The following SLC1A3 variants were observed in gnomAD, a reference collection of about 807,000 sequenced individuals.
The protein encoded by SLC1A3 is solute carrier family 1 member 3, also known as excitatory amino acid transporter 1.
SLC1A3 carries 21 observed loss-of-function variants against 48.1 expected under a neutral mutation model. The ratio of observed to expected loss-of-function variants is 0.44; its 90% CI spans 0.31 to 0.63. The LOEUF is 0.63. SLC1A3 is among the 20% of genes least tolerant of loss of function. The probability of loss-of-function intolerance (pLI) is 0.08; values close to 1 mark genes in which losing one functional copy is unlikely to be tolerated. For missense variants in SLC1A3, 546 were observed against 689.0 expected, an observed-to-expected ratio of 0.79 and a Z score of 2.32; for synonymous variants, 239 against 251.4, an observed-to-expected ratio of 0.95 and a Z score of 0.47.
At chr5:36,612,185 T>TCA (rs1013135663) in intron 2 of SLC1A3, among the ~76,000 whole-genome samples, 12 of 151,518 alleles carry the variant, frequency 7.9e-5, no homozygotes, top group Non-Finnish European at 8.8e-5. Flanking sequence ...TATTGATCTC[T>TCA]CACACACACA....
intron 3 of SLC1A3, among the ~76,000 whole-genome samples, chr5:36,646,594 T>C (rs1436132455): frequency 6.6e-6 from 1 of 152,198 alleles, no homozygotes; most frequent in Non-Finnish European, 1.5e-5. Flanking sequence ...AGGCAGACAG[T>C]GCGTCTCCAT....
At chr5:36,629,688 G>T in intron 3 of SLC1A3, 101 bp downstream of exon 3, 2 of 1,011,988 alleles carry the variant, frequency 2.0e-6, no homozygotes, top group Admixed American at 1.7e-5. Flanking sequence ...CTGGATGCAT[G>T]CTCTGTTCTA....
At chr5:36,654,043 C>T (rs903212246) in intron 3 of SLC1A3, among the ~76,000 whole-genome samples, 1 of 152,156 alleles carries the variant, frequency 6.6e-6, no homozygotes, top group Non-Finnish European at 1.5e-5. Flanking sequence ...AGGGTTTTGC[C>T]ATGTTGGTCA....
intron 1 of SLC1A3, among the ~76,000 whole-genome samples, chr5:36,598,282 G>T (rs896207326): frequency 6.6e-6 from 1 of 152,222 alleles, no homozygotes; most frequent in Non-Finnish European, 1.5e-5. Flanking sequence ...CAGTGGGATT[G>T]TTGTGACAAG....
chr5:36,617,519 A>T lies in SLC1A3; in HGVS notation c.181+8915A>T, dbSNP rs1027176977. Among the ~76,000 whole-genome samples, 5 of 149,908 alleles carry T rather than the reference A, an allele frequency of 3.3e-5. No homozygotes were observed. In the Admixed American group the frequency reaches 3.4e-4, roughly 10 times the overall value. On this transcript the variant is annotated intron_variant, in intron 2 of 9. Transcript: ENST00000265113. ...ATAGAAAAGCTTATAAAAAGAAAGT[A>T]TCTTATTGACCCCTGTCCCCCAAGG... is the stretch of plus-strand genomic sequence containing the variant.
At chr5:36,680,156 G>A (rs943691797) in intron 7 of SLC1A3, among the ~76,000 whole-genome samples, 4 of 152,206 alleles carry the variant, frequency 2.6e-5, no homozygotes, top group African/African-American at 9.7e-5. Flanking sequence ...CTGTCGTGAT[G>A]AGGGCATGAT....
intron 1 of SLC1A3, among the ~76,000 whole-genome samples, chr5:36,597,549 T>C (rs1334669225): frequency 6.6e-6 from 1 of 152,074 alleles, no homozygotes; most frequent in Non-Finnish European, 1.5e-5. Flanking sequence ...GCCCAAAAAC[T>C]TCTCTTCAAC....
chr5:36,649,157 A>G (rs1435588173), intron 3 of SLC1A3, among the ~76,000 whole-genome samples: 2 of 152,224 alleles, frequency 1.3e-5, no homozygotes, highest in Admixed American at 1.3e-4. Flanking sequence ...CAGCTGGACC[A>G]ACATGGAGAA....
Position 36,680,561 on chromosome 5 carries a change from C to T in SLC1A3, c.1261C>T (p.Leu421=), listed in dbSNP as rs769918067. The change falls in exon 8 of 10, where the codon CTG becomes TTG. Residue 421 remains leucine (L), a synonymous_variant. Coordinates refer to ENST00000265113, the MANE Select transcript of SLC1A3 (RefSeq NM_004172.5). ...CATTGCTCAAGTTAACAACTTTGAA[C>T]TGAACTTCGGACAAATTATTACAAT... ...IFIAQVNNFE[L]NFGQIITISI... 2 of 1,614,104 alleles carry T rather than the reference C, an allele frequency of 1.2e-6. No individual in the cohort carries two copies. Among genetic ancestry groups the T allele is most frequent in the East Asian group, 4.5e-5 (2 of 44,890 alleles).
At chr5:36,614,915 CT>C (rs1224459281) in intron 2 of SLC1A3, among the ~76,000 whole-genome samples, 3 of 152,124 alleles carry the variant, frequency 2.0e-5, no homozygotes, top group Non-Finnish European at 1.5e-5. Flanking sequence ...CTATTTTGCT[CT>C]TTTTCTTCTT....
At chr5:36,660,961 C>G (rs558585796) in intron 3 of SLC1A3, among the ~76,000 whole-genome samples, 36 of 152,286 alleles carry the variant, frequency 2.4e-4, no homozygotes, top group African/African-American at 7.2e-4. Flanking sequence ...GTCATTCTCT[C>G]AGCTCTATCT....
At chr5:36,674,389 G>A (rs1287872686) in intron 5 of SLC1A3, among the ~76,000 whole-genome samples, 1 of 151,822 alleles carries the variant, frequency 6.6e-6, no homozygotes, top group Non-Finnish European at 1.5e-5. Flanking sequence ...ACTCCCCACT[G>A]GCAAAAGCCC....
At chr5:36,675,369 C>T (rs1320057293) in intron 5 of SLC1A3, among the ~76,000 whole-genome samples, 1 of 152,126 alleles carries the variant, frequency 6.6e-6, no homozygotes, top group African/African-American at 2.4e-5. Context: ...ATGGGGCTGA[C>T]GATTCCAGTA....
chr5:36,597,763 A>G (rs1738762373), intron 1 of SLC1A3, among the ~76,000 whole-genome samples: 2 of 151,978 alleles, frequency 1.3e-5, no homozygotes, highest in South Asian at 2.1e-4. Flanking sequence ...TCCGCCTGGC[A>G]CGCCTCTCCC....
In SLC1A3 at chr5:36,687,599, C is replaced by T. The variant is rs571276533; in HGVS notation, c.*1330C>T. The T allele has an allele frequency of 5.9e-5, 9 of 152,226 alleles. No homozygotes were observed. The highest frequency in any genetic ancestry group is 1.7e-4 in the African/African-American group (7 of 41,516). 9.4% of individuals were successfully genotyped at this position (152,226 alleles called of 1,614,324 possible). A position where few individuals can be genotyped will look rare whatever the true frequency, so the allele number is the denominator to read the frequency against. ...TTATTTGAAAGTGTTTTTCTTTAAT[C>T]AAAAGTCCTTAGAATGAGGGAAACA... is the stretch of plus-strand genomic sequence containing the variant. On this transcript the variant is annotated 3_prime_UTR_variant, in exon 10 of 10. Transcript: ENST00000265113.
chr5:36,638,792 T>A (rs1247078769), intron 3 of SLC1A3: 1 of 152,224 alleles, frequency 6.6e-6, no homozygotes, highest in Non-Finnish European at 1.5e-5. Context: ...CTCAACCTCC[T>A]GAGTAGCTGG....
intron 3 of SLC1A3, among the ~76,000 whole-genome samples, chr5:36,632,285 CCA>C (rs1404905458): frequency 6.6e-6 from 1 of 152,180 alleles, no homozygotes; most frequent in Non-Finnish European, 1.5e-5. Flanking sequence ...ACGAAACAAA[CCA>C]GTGCAAAGCA....
At chr5:36,620,449 T>G (rs1739616350) in intron 2 of SLC1A3, among the ~76,000 whole-genome samples, 1 of 152,204 alleles carries the variant, frequency 6.6e-6, no homozygotes, top group Non-Finnish European at 1.5e-5. Flanking sequence ...TCACATGGTT[T>G]TGTACAGAGG....
At chr5:36,602,066 G>C (rs936821691), upstream of SLC1A3, among the ~76,000 whole-genome samples, 6 of 152,186 alleles carry the variant, frequency 3.9e-5, no homozygotes, top group African/African-American at 1.4e-4. Context: ...GGCCTTGGGA[G>C]CACATAGGAA....
Sources: gnomAD v4.1 joint callset for allele counts (sites outside exome capture counted in the v4.1 genomes callset) on GRCh38, gnomAD v4.1.1 for gene constraint, MANE v1.5 for transcripts, NCBI Gene and HGNC (gene_info 2026-07-23, HGNC 2026-07-21) for gene names.